Variants in SH3RF3 observed in about 807,000 individuals in gnomAD.
SH3RF3 encodes E3 ubiquitin-protein ligase SH3RF3.
A neutral mutation model predicts 66.3 loss-of-function variants in SH3RF3; 29 were observed. The ratio of observed to expected loss-of-function variants is 0.44; its 90% CI spans 0.33 to 0.60. The LOEUF (loss-of-function observed/expected upper bound fraction) is 0.60, where lower values mean the gene tolerates loss of function less well. Among genes scored for constraint, SH3RF3 ranks in the 20% least tolerant of loss-of-function variants. The pLI is 0.04. For missense variants in SH3RF3, 1,194 were observed against 1,190.9 expected (o/e 1.00, Z -0.04); for synonymous variants, 583 against 532.0 (o/e 1.10, Z -1.32).
intron 5 of SH3RF3, among the ~76,000 whole-genome samples, chr2:109,424,746 C>T (rs115921680): frequency 0.023 from 3,549 of 152,260 alleles, 52 homozygotes; most frequent in Middle Eastern, 0.058. Flanking sequence ...GACGGCTCCA[C>T]GGACCCACCG....
At chr2:109,159,803 C>T (rs1440200705) in intron 1 of SH3RF3, among the ~76,000 whole-genome samples, 1 of 152,184 alleles carries the variant, frequency 6.6e-6, no homozygotes, top group Non-Finnish European at 1.5e-5. Flanking sequence ...ATTTAGGTTT[C>T]ACACTCCTTA....
At chr2:109,451,042 C>T (rs1297845011) in intron 8 of SH3RF3, among the ~76,000 whole-genome samples, 1 of 152,250 alleles carries the variant, frequency 6.6e-6, no homozygotes, top group Admixed American at 6.5e-5. Context: ...TCAACATGAG[C>T]CGGGAACGCT....
chr2:109,222,244 A>C (rs924159739), intron 1 of SH3RF3, among the ~76,000 whole-genome samples: 1 of 152,212 alleles, frequency 6.6e-6, no homozygotes, highest in African/African-American at 2.4e-5. Context: ...GGGTATAAAC[A>C]TACAGTCAGA....
intron 8 of SH3RF3, among the ~76,000 whole-genome samples, chr2:109,476,539 G>A (rs571305494): frequency 2.2e-4 from 33 of 152,344 alleles, no homozygotes; most frequent in Admixed American, 5.9e-4. Flanking sequence ...GCATGTCAAA[G>A]GCTAAAAGAT....
intron 5 of SH3RF3, among the ~76,000 whole-genome samples, chr2:109,423,598 G>A (rs553394940): frequency 6.6e-6 from 1 of 152,246 alleles, no homozygotes; most frequent in East Asian, 1.9e-4. Context: ...ATAAGACTCG[G>A]TAAAATAAGT....
intron 1 of SH3RF3, among the ~76,000 whole-genome samples, chr2:109,188,514 G>GA (rs1359241884): frequency 1.3e-5 from 2 of 152,218 alleles, no homozygotes; most frequent in African/African-American, 4.8e-5. Flanking sequence ...TGGTCTGGAT[G>GA]AAAGAGACCA....
chr2:109,329,490 C>T lies in SH3RF3; in HGVS notation c.574-18184C>T, dbSNP rs571016866. 2.6e-5 allele frequency among the ~76,000 whole-genome samples: 4 copies of T among 152,334 alleles called. No individual in the cohort carries two copies. In the South Asian group the frequency reaches 8.3e-4, roughly 32 times the overall value. ...GCCATGGCTGGAGCGGTGTCTTTCC[C>T]TCTGTGCTGGCTGGAGAACAACTGA... On this transcript the variant is annotated intron_variant, in intron 1 of 9. Coordinates refer to ENST00000309415, the MANE Select transcript of SH3RF3 (RefSeq NM_001099289.3).
intron 1 of SH3RF3, among the ~76,000 whole-genome samples, chr2:109,217,641 T>C (rs1353452260): frequency 1.3e-5 from 2 of 152,236 alleles, no homozygotes; most frequent in South Asian, 4.1e-4. Flanking sequence ...AACCTGCCAG[T>C]GATGGGAATG....
intron 3 of SH3RF3, among the ~76,000 whole-genome samples, chr2:109,380,793 C>T (rs1486902533): frequency 6.6e-6 from 1 of 152,228 alleles, no homozygotes; most frequent in African/African-American, 2.4e-5. Flanking sequence ...TGCCCCCCAC[C>T]ACCTGCATAG....
rs186077555 is a variant in SH3RF3, at chr2:109,399,690, C to T, written c.1299+747C>T. Among the ~76,000 whole-genome samples the T allele has an allele frequency of 2.8e-4, 42 of 152,312 alleles. No individual in the cohort carries two copies. In the East Asian group the frequency reaches 7.9e-3, roughly 29 times the overall value. On this transcript the variant is annotated intron_variant, in intron 4 of 9. Coordinates refer to ENST00000309415, the MANE Select transcript of SH3RF3 (RefSeq NM_001099289.3). ...TGAACAATATTTAGTAAGTACTTGC[C>T]TGTAGCTCTGACAAGACCCCTCACA...
At chr2:109,165,687 C>T (rs1197023023) in intron 1 of SH3RF3, among the ~76,000 whole-genome samples, 1 of 152,226 alleles carries the variant, frequency 6.6e-6, no homozygotes, top group East Asian at 1.9e-4. Flanking sequence ...AGCAGGTCCC[C>T]CATGGCCTGG....
intron 8 of SH3RF3, among the ~76,000 whole-genome samples, chr2:109,467,784 G>A (rs1678396312): frequency 6.6e-6 from 1 of 152,284 alleles, no homozygotes; most frequent in East Asian, 1.9e-4. Context: ...TGATCTGACC[G>A]TTCTGCAGTC....
chr2:109,316,886 G>A (rs1384571371), intron 1 of SH3RF3, among the ~76,000 whole-genome samples: 1 of 152,218 alleles, frequency 6.6e-6, no homozygotes, highest in Non-Finnish European at 1.5e-5. Flanking sequence ...ACATCATACA[G>A]TTGGAAGTAT....
chr2:109,264,237 TC>T (rs1375769722), intron 1 of SH3RF3, among the ~76,000 whole-genome samples: 1 of 145,472 alleles, frequency 6.9e-6, no homozygotes. Flanking sequence ...CTGTGGGTGC[TC>T]CCTGTCCACC....
chr2:109,478,969 G>C (rs2104755998), intron 8 of SH3RF3, among the ~76,000 whole-genome samples: 1 of 152,334 alleles, frequency 6.6e-6, no homozygotes, highest in East Asian at 1.9e-4. Context: ...GGCCTTAGCT[G>C]AGAGAACCTG....
intron 3 of SH3RF3, among the ~76,000 whole-genome samples, chr2:109,372,848 G>A (rs74810831): frequency 0.019 from 2,949 of 152,276 alleles, 93 homozygotes; most frequent in African/African-American, 0.061. Context: ...CGGGTGACAC[G>A]GCCAGCTTTG....
chr2:109,169,714 CTATATA>C (rs985179529), intron 1 of SH3RF3, among the ~76,000 whole-genome samples: 1 of 150,876 alleles, frequency 6.6e-6, no homozygotes, highest in Non-Finnish European at 1.5e-5. Flanking sequence ...CTATATATAT[CTATATA>C]TATAACCAAA....
chr2:109,462,340 C>T (rs1287202340), intron 8 of SH3RF3, among the ~76,000 whole-genome samples: 18 of 151,758 alleles, frequency 1.2e-4, no homozygotes, highest in Admixed American at 1.1e-3. Context: ...AAGCATTTGC[C>T]GAATTAATCA....
At chr2:109,266,640 A>G (rs1323235734) in intron 1 of SH3RF3, among the ~76,000 whole-genome samples, 1 of 151,550 alleles carries the variant, frequency 6.6e-6, no homozygotes, top group African/African-American at 2.4e-5. Flanking sequence ...TTAGCTCAGC[A>G]GAGTCCTCAG....
Sources: gnomAD v4.1 joint callset for allele counts (sites outside exome capture counted in the v4.1 genomes callset) on GRCh38, gnomAD v4.1.1 for gene constraint, MANE v1.5 for transcripts, NCBI Gene and HGNC (gene_info 2026-07-23, HGNC 2026-07-21) for gene names.